The following DLG2 variants were observed in gnomAD, a reference collection of about 807,000 sequenced individuals.
DLG2 encodes discs large MAGUK scaffold protein 2.
DLG2 carries 45 observed loss-of-function variants against 132.5 expected under a neutral mutation model. That is an observed-to-expected ratio of 0.34 (90% CI 0.27 to 0.44). DLG2 has a LOEUF of 0.44. Among genes scored for constraint, DLG2 ranks in the 20% least tolerant of loss-of-function variants. The pLI is 1.00. For synonymous variants in DLG2, 424 were observed against 419.6 expected, an observed-to-expected ratio of 1.01 and a Z score of -0.13; for missense variants, 1,045 against 1,196.9, an observed-to-expected ratio of 0.87 and a Z score of 1.87.
intron 15 of DLG2, among the ~76,000 whole-genome samples, chr11:83,915,355 G>C (rs2076750725): frequency 6.6e-6 from 1 of 152,152 alleles, no homozygotes; most frequent in Non-Finnish European, 1.5e-5. Flanking sequence ...ATGGAATGAT[G>C]ATTGTAGTGT....
chr11:84,301,676 A>AAT (rs1485326211), intron 7 of DLG2, among the ~76,000 whole-genome samples: 66 of 147,786 alleles, frequency 4.5e-4, no homozygotes, highest in Non-Finnish European at 6.6e-4. Context: ...AAAAAAAAAA[A>AAT]GTCAAGAAAC....
chr11:85,503,227 T>C (rs2093846198), intron 3 of DLG2, among the ~76,000 whole-genome samples: 2 of 152,134 alleles, frequency 1.3e-5, no homozygotes, highest in South Asian at 4.1e-4. Context: ...TTCAAGCTTT[T>C]TAAGGTTAAG....
intron 7 of DLG2, among the ~76,000 whole-genome samples, chr11:84,413,307 C>A (rs500750): frequency 0.13 from 20,012 of 152,128 alleles, 1,376 homozygotes; most frequent in South Asian, 0.21. Context: ...AGCACGGAGT[C>A]AAATGAACTA....
intron 8 of DLG2, among the ~76,000 whole-genome samples, chr11:84,195,482 G>A (rs561943952): frequency 3.4e-4 from 52 of 151,934 alleles, no homozygotes; most frequent in African/African-American, 1.1e-3. Flanking sequence ...ACTCTTCTCC[G>A]CCTACCCAAT....
At chr11:84,637,798 T>A (rs1290243190) in intron 6 of DLG2, among the ~76,000 whole-genome samples, 4 of 152,212 alleles carry the variant, frequency 2.6e-5, no homozygotes, top group Non-Finnish European at 5.9e-5. Flanking sequence ...TGGTTTACAG[T>A]GCGATGCAGT....
chr11:85,191,987 C>T (rs542266446), intron 4 of DLG2, among the ~76,000 whole-genome samples: 74 of 152,148 alleles, frequency 4.9e-4, no homozygotes, highest in African/African-American at 1.5e-3. Flanking sequence ...TGTATTATTG[C>T]TATTTTACAA....
intron 6 of DLG2, among the ~76,000 whole-genome samples, chr11:84,873,087 G>T (rs1386958587): frequency 6.6e-6 from 1 of 152,150 alleles, no homozygotes; most frequent in African/African-American, 2.4e-5. Flanking sequence ...TCCCTTACAT[G>T]GCAAAAGGGA....
chr11:84,937,036 C>A (rs1023585402), intron 6 of DLG2, among the ~76,000 whole-genome samples: 1 of 152,054 alleles, frequency 6.6e-6, no homozygotes, highest in Non-Finnish European at 1.5e-5. Flanking sequence ...CCTGTAATCC[C>A]AGCTATTCAG....
intron 7 of DLG2, among the ~76,000 whole-genome samples, chr11:84,290,221 G>A (rs933764073): frequency 1.3e-5 from 2 of 152,118 alleles, no homozygotes; most frequent in African/African-American, 2.4e-5. Context: ...ACAGAAGATT[G>A]AGCAAAAGTT....
intron 7 of DLG2, among the ~76,000 whole-genome samples, chr11:84,429,197 T>C (rs1050145076): frequency 5.3e-5 from 8 of 152,192 alleles, no homozygotes; most frequent in Admixed American, 4.6e-4. Flanking sequence ...GGCATAAATG[T>C]TCTGTTTCAT....
rs891606042 is a variant in DLG2 at position 85,392,801 on chromosome 11, C to T, written c.41-107436G>A. Among the ~76,000 whole-genome samples the T allele has an allele frequency of 1.1e-3, 172 of 152,078 alleles. 11 individuals carry two copies. The highest frequency in any genetic ancestry group is 2.9e-5 in the Non-Finnish European group (2 of 67,980). ...GAATGAAACTGGATCCTTGTCTCAT[C>T]TCTCACCTTACACAAAAATCAACTC... On this transcript the variant is annotated intron_variant, in intron 3 of 27. Transcript: ENST00000376104.
intron 6 of DLG2, among the ~76,000 whole-genome samples, chr11:84,920,721 G>GTA (rs1441690529): frequency 1.4e-3 from 219 of 151,930 alleles, no homozygotes; most frequent in Non-Finnish European, 2.5e-3. Flanking sequence ...ATATGTGTGT[G>GTA]TGTGTGTCTA....
chr11:85,060,576 C>A (rs2063990297), intron 6 of DLG2, among the ~76,000 whole-genome samples: 2 of 151,054 alleles, frequency 1.3e-5, no homozygotes, highest in Non-Finnish European at 3.0e-5. Flanking sequence ...TATCCCAACA[C>A]CCCCAATGGA....
intron 3 of DLG2, among the ~76,000 whole-genome samples, chr11:85,487,676 A>C (rs2093461096): frequency 6.6e-6 from 1 of 152,194 alleles, no homozygotes; most frequent in Non-Finnish European, 1.5e-5. Context: ...GATGTTTGGC[A>C]GTACATAAAA....
At chr11:84,543,021 T>C (rs1052677034) in intron 6 of DLG2, among the ~76,000 whole-genome samples, 5 of 152,300 alleles carry the variant, frequency 3.3e-5, no homozygotes, top group African/African-American at 9.6e-5. Flanking sequence ...TTTATATACC[T>C]ACTGCATCCT....
intron 6 of DLG2, among the ~76,000 whole-genome samples, chr11:84,795,290 G>T (rs2074422996): frequency 6.6e-6 from 1 of 151,958 alleles, no homozygotes; most frequent in Admixed American, 6.6e-5. Context: ...GCTTCCCAAG[G>T]TGAGTCTCTT....
In DLG2 at chr11:84,479,823, C is replaced by T. The variant is rs550661587; in HGVS notation, c.519+54747G>A. ...AGGAAACTACATTATGACCATTCAA[C>T]CTACTAAAAAATATAATAAACTGAA... is the stretch of plus-strand genomic sequence containing the variant. On this transcript the variant is annotated intron_variant, in intron 7 of 27. Coordinates refer to ENST00000376104, the MANE Select transcript of DLG2 (RefSeq NM_001142699.3). Among the ~76,000 whole-genome samples, 53 of 152,144 alleles carry T rather than the reference C, an allele frequency of 3.5e-4. 1 individual carries two copies. In the South Asian group the frequency reaches 0.011, roughly 31 times the overall value.
Position 84,116,947 on chromosome 11 carries a change from T to C in DLG2, c.625-17900A>G, listed in dbSNP as rs187406484. On this transcript the variant is annotated intron_variant, in intron 9 of 27. Transcript: ENST00000376104. ...CACTTTGCTTTCCAACGCCTATTTC[T>C]CACTGTGGTTTTCCACTTAAGCGTC... Among the ~76,000 whole-genome samples, 13 of 152,342 alleles carry C rather than the reference T, an allele frequency of 8.5e-5. No homozygotes were observed. The East Asian group carries it at 2.5e-3, about 29-fold the overall frequency.
chr11:85,346,580 T>C (rs982815469), intron 3 of DLG2, among the ~76,000 whole-genome samples: 5 of 152,140 alleles, frequency 3.3e-5, no homozygotes, highest in Non-Finnish European at 1.5e-5. Context: ...TCAGAATACG[T>C]AGACACTCCC....
Sources: allele counts gnomAD v4.1 joint callset (sites outside exome capture counted in the v4.1 genomes callset), GRCh38; gene constraint gnomAD v4.1.1; transcripts MANE v1.5; gene names NCBI Gene and HGNC (gene_info 2026-07-23, HGNC 2026-07-21).